The following RIMS1 variants were observed in gnomAD, a reference collection of about 807,000 sequenced individuals.
RIMS1 encodes the protein regulating synaptic membrane exocytosis 1.
RIMS1 carries 83 observed loss-of-function variants against 214.1 expected under a neutral mutation model. That is an observed-to-expected ratio of 0.39 (90% CI 0.32 to 0.47). The LOEUF (loss-of-function observed/expected upper bound fraction) is 0.47, where lower values mean the gene tolerates loss of function less well. RIMS1 is among the 20% of genes least tolerant of loss of function. RIMS1 has a pLI of 0.99. For missense variants in RIMS1, 2,050 were observed against 2,161.8 expected, an observed-to-expected ratio of 0.95 and a Z score of 1.03; for synonymous variants, 793 against 786.8, an observed-to-expected ratio of 1.01 and a Z score of -0.13.
At chr6:72,225,951 T>A (rs1209741866) in intron 6 of RIMS1, among the ~76,000 whole-genome samples, 1 of 152,166 alleles carries the variant, frequency 6.6e-6, no homozygotes, top group African/African-American at 2.4e-5. Context: ...ACATGAAATT[T>A]ATTCTTCTCC....
Position 72,392,705 on chromosome 6 carries a change from T to G in RIMS1, c.4513T>G (p.Phe1505Val). The G allele has an allele frequency of 6.2e-7, 1 of 1,608,964 alleles. No homozygotes were observed. Among genetic ancestry groups the G allele is most frequent in the African/African-American group, 1.3e-5 (1 of 74,976 alleles). ...NSYSSEGNLIFPGVRLGADSQ... is the reference protein window; with the variant it reads ...NSYSSEGNLIVPGVRLGADSQ... ...TTATCCTTTTGCTGATAGTTTAATA[T>G]TTCCTGGAGTGCGACTGGGAGCTGA... is the stretch of plus-strand genomic sequence containing the variant. The change falls in exon 31 of 34, where the codon TTT (phenylalanine) becomes GTT (valine). Residue 1505 changes from phenylalanine to valine, a missense_variant. Coordinates refer to ENST00000521978, the MANE Select transcript of RIMS1 (RefSeq NM_014989.7).
chr6:72,354,858 T>C (rs1217861781), intron 29 of RIMS1, among the ~76,000 whole-genome samples: 1 of 152,216 alleles, frequency 6.6e-6, no homozygotes, highest in Non-Finnish European at 1.5e-5. Flanking sequence ...ACCTGAGGTC[T>C]GCCCTGTTGC....
At chr6:72,011,996 T>C (rs200948250) in intron 2 of RIMS1, among the ~76,000 whole-genome samples, 9 of 152,114 alleles carry the variant, frequency 5.9e-5, no homozygotes, top group African/African-American at 1.2e-4. Flanking sequence ...ACCCAAAGGA[T>C]TATAAATCAT....
rs552571362 is a variant in RIMS1, at chr6:71,905,566, AAATT to A, written c.164+18383_164+18386del. Among the ~76,000 whole-genome samples, 8 of 147,368 alleles carry A rather than the reference AAATT, an allele frequency of 5.4e-5. No individual in the cohort carries two copies. The Admixed American group carries it at 5.5e-4, about 10-fold the overall frequency. On this transcript the variant is annotated intron_variant, in intron 1 of 33. Transcript: ENST00000521978. Reference sequence around the variant, plus strand: ...GAAATTTAAGTTAGAATAATTTAATAAATTAATATTTTATCAATTAAGCTACCTG... The same window carrying A: ...GAAATTTAAGTTAGAATAATTTAATAAATATTTTATCAATTAAGCTACCTG...
chr6:72,209,161 T>G (rs1177868310), intron 6 of RIMS1, among the ~76,000 whole-genome samples: 1 of 152,232 alleles, frequency 6.6e-6, no homozygotes, highest in Admixed American at 6.5e-5. Flanking sequence ...TACCTGTAAC[T>G]TAATTTGAAT....
chr6:72,269,741 G>GTTCCAGTGACACTCCTGC (rs2082142139), intron 22 of RIMS1, among the ~76,000 whole-genome samples: 1 of 152,090 alleles, frequency 6.6e-6, no homozygotes, highest in African/African-American at 2.4e-5. Flanking sequence ...CCCTTCTCCA[G>GTTCCAGTGACACTCCTGC]TTCCAGTGAC....
chr6:71,968,965 G>C lies in RIMS1; in HGVS notation c.165-18G>C. ...TTTATAATTAATAGTGCGTTGTGCTGTCTATCATGCGCCCCAGGTGTGTTG... is the reference window on the plus strand; with the variant it reads ...TTTATAATTAATAGTGCGTTGTGCTCTCTATCATGCGCCCCAGGTGTGTTG... On this transcript the variant is annotated intron_variant, in intron 1 of 33. Coordinates refer to ENST00000521978, the MANE Select transcript of RIMS1 (RefSeq NM_014989.7). 10 of 1,610,378 alleles carry C rather than the reference G, an allele frequency of 6.2e-6. No individual in the cohort carries two copies. The highest frequency in any genetic ancestry group is 8.5e-6 in the Non-Finnish European group (10 of 1,176,576).
chr6:72,390,601 C>T lies in RIMS1; in HGVS notation c.4370C>T (p.Ser1457Leu), dbSNP rs770684710. Residue 1457 changes from serine (S) to leucine (L), a missense_variant, in exon 30 of 34, where the codon TCG becomes TTG. Physicochemically the swap from Ser to Leu is moderately radical, Grantham distance 145. This residue lies in a region of RIMS1 where 889 missense variants were observed against 885.5 expected (regional missense o/e 1.00). Coordinates refer to ENST00000521978, the MANE Select transcript of RIMS1 (RefSeq NM_014989.7). ...TTCTTTTACTCTCTCCTGTCAGAGT[C>T]GGGCCACAAAAAGTTAAAAAGTACC... ...RSTSQLSQTE[S>L]GHKKLKSTIQ... 8.7e-6 allele frequency: 14 copies of T among 1,611,504 alleles called. No individual in the cohort carries two copies. Among genetic ancestry groups the T allele is most frequent in the Admixed American group, 3.4e-5 (2 of 59,656 alleles).
chr6:72,167,883 T>C (rs560461215), intron 4 of RIMS1, among the ~76,000 whole-genome samples: 41 of 123,422 alleles, frequency 3.3e-4, no homozygotes, highest in African/African-American at 8.2e-4. Context: ...TCTGGGTCCA[T>C]TGATTTTTTT....
chr6:72,020,895 G>A (rs113231271), intron 2 of RIMS1, among the ~76,000 whole-genome samples: 1,751 of 152,222 alleles, frequency 0.012, 9 homozygotes, highest in Non-Finnish European at 0.017. Context: ...ACTAAACCCT[G>A]TTAGAATACT....
At chr6:72,396,177 A>C (rs950338622) in intron 31 of RIMS1, among the ~76,000 whole-genome samples, 13 of 152,092 alleles carry the variant, frequency 8.5e-5, no homozygotes, top group African/African-American at 2.4e-4. Flanking sequence ...TTAAGTATCC[A>C]AAAAAATGTT....
At chr6:72,212,488 A>C (rs917328629) in intron 6 of RIMS1, among the ~76,000 whole-genome samples, 1 of 152,194 alleles carries the variant, frequency 6.6e-6, no homozygotes, top group Non-Finnish European at 1.5e-5. Flanking sequence ...AAGAAGAAAC[A>C]AAAGTGTATT....
intron 1 of RIMS1, among the ~76,000 whole-genome samples, chr6:71,902,205 T>C (rs1212463104): frequency 6.6e-6 from 1 of 152,042 alleles, no homozygotes. Flanking sequence ...TCTGTTTCTA[T>C]TTTTTCTGTA....
At chr6:72,338,725 T>G (rs114673594) in intron 29 of RIMS1, among the ~76,000 whole-genome samples, 2,941 of 151,970 alleles carry the variant, frequency 0.019, 88 homozygotes, top group African/African-American at 0.065. Context: ...CTATTCCCAT[T>G]TTAAAGTTGA....
chr6:71,937,605 G>A lies in RIMS1; in HGVS notation c.165-31378G>A, dbSNP rs150591525. Among the ~76,000 whole-genome samples the A allele has an allele frequency of 1.9e-3, 286 of 152,148 alleles. 3 individuals carry two copies. Among genetic ancestry groups the A allele is most frequent in the Middle Eastern group, 6.8e-3 (2 of 294 alleles). Reference sequence around the variant, plus strand: ...CACAGCTGGTGAGGGTCTTTTTGCTGCATCATAACATGACAGAAGGCATCA... The same window carrying A: ...CACAGCTGGTGAGGGTCTTTTTGCTACATCATAACATGACAGAAGGCATCA... On this transcript the variant is annotated intron_variant, in intron 1 of 33. Transcript: ENST00000521978.
At chr6:72,159,297 C>CT (rs1368185475) in intron 4 of RIMS1, among the ~76,000 whole-genome samples, 5 of 140,538 alleles carry the variant, frequency 3.6e-5, no homozygotes, top group Non-Finnish European at 8.1e-5. Context: ...GATATTAGCC[C>CT]TTTGTCAGAT....
intron 6 of RIMS1, among the ~76,000 whole-genome samples, chr6:72,186,481 A>G (rs971212495): frequency 5.3e-5 from 8 of 152,314 alleles, no homozygotes; most frequent in Admixed American, 5.2e-4. Flanking sequence ...GCTTATGTAG[A>G]AAAGGTTTCA....
Position 72,401,540 on chromosome 6 carries a change from A to T in RIMS1, c.*826A>T, listed in dbSNP as rs1342223067. On this transcript the variant is annotated 3_prime_UTR_variant, in exon 34 of 34. Coordinates refer to ENST00000521978, the MANE Select transcript of RIMS1 (RefSeq NM_014989.7). Reference sequence around the variant, plus strand: ...TTATGGTTTCCATTGTTTTGCATGGAAGACTTTTAAAGAAGTCAATCTGCA... The same window carrying T: ...TTATGGTTTCCATTGTTTTGCATGGTAGACTTTTAAAGAAGTCAATCTGCA... The T allele has an allele frequency of 2.0e-5, 3 of 152,674 alleles. No homozygotes were observed. Among genetic ancestry groups the T allele is most frequent in the African/African-American group, 7.2e-5 (3 of 41,474 alleles). The allele number at this position is 152,674 out of a possible 1,614,324, so 9.5% of individuals were successfully genotyped here.
At chr6:72,195,829 G>T (rs4489118) in intron 6 of RIMS1, among the ~76,000 whole-genome samples, 40,351 of 151,998 alleles carry the variant, frequency 0.27, 6,132 homozygotes, top group Non-Finnish European at 0.34. Context: ...TCATAATTCT[G>T]CATGGCTGGG....
Sources: allele counts gnomAD v4.1 joint callset (sites outside exome capture counted in the v4.1 genomes callset), GRCh38; gene constraint gnomAD v4.1.1; regional missense constraint gnomAD v4.1.1; transcripts MANE v1.5; gene names NCBI Gene and HGNC (gene_info 2026-07-23, HGNC 2026-07-21).